DCLRE1C: variants seen among roughly 807,000 people sequenced by gnomAD.
DCLRE1C encodes protein artemis.
A neutral mutation model predicts 61.4 loss-of-function variants in DCLRE1C; 47 were observed. That is an observed-to-expected ratio of 0.77 (90% CI 0.61 to 0.98). DCLRE1C has a LOEUF of 0.98. Among genes scored for constraint, DCLRE1C ranks in the 50% least tolerant of loss-of-function variants. The pLI is 0.00. For synonymous variants in DCLRE1C, 337 were observed against 287.6 expected (o/e 1.17, Z -1.74); for missense variants, 858 against 816.0 (o/e 1.05, Z -0.63).
rs919860514 is a variant in DCLRE1C at position 14,898,202 on chromosome 10, C to CTTTTTT, written c.*956_*961dup. The CTTTTTT allele has an allele frequency of 4.3e-3, 240 of 56,136 alleles. 1 individual carries two copies. The highest frequency in any genetic ancestry group is 0.03 in the Middle Eastern group (2 of 66). The allele number at this position is 56,136 out of a possible 1,614,324, so 3.5% of individuals were successfully genotyped here. Reference sequence around the variant, plus strand: ...AAAACTCAGTGAGGTAGTACTGTTTCTTTTTTTTTTTTTTTTTTTTTTTTT... The same window carrying CTTTTTT: ...AAAACTCAGTGAGGTAGTACTGTTTCTTTTTTTTTTTTTTTTTTTTTTTTTTTTTTT... On this transcript the variant is annotated 3_prime_UTR_variant, in exon 14 of 14. Coordinates refer to the DCLRE1C transcript ENST00000378289.
Position 14,908,105 on chromosome 10 carries a change from C to T in DCLRE1C, c.*303G>A. 3.1e-6 allele frequency: 1 copy of T among 319,158 alleles called. No individual in the cohort carries two copies. The allele number at this position is 319,158 out of a possible 1,614,324, so 19.8% of individuals were successfully genotyped here. On this transcript the variant is annotated 3_prime_UTR_variant, in exon 14 of 14. Coordinates refer to ENST00000378278, the MANE Select transcript of DCLRE1C (RefSeq NM_001033855.3). The stretch of plus-strand genomic sequence containing the variant: ...GCACAGTCATGGCTCACTGCAGCCT[C>T]AATCTCCTGGGCTCAAGTGATCCTC...
At chr10:14,945,063 C>A in intron 3 of DCLRE1C, 42 bp downstream of exon 3, 1 of 1,474,798 alleles carries the variant, frequency 6.8e-7, no homozygotes, top group South Asian at 1.2e-5. Flanking sequence ...AAAAATACTT[C>A]CCACTTAAAA....
At chr10:14,940,776 G>C (rs1191515739) in intron 3 of DCLRE1C, among the ~76,000 whole-genome samples, 2 of 152,104 alleles carry the variant, frequency 1.3e-5, no homozygotes, top group Admixed American at 6.5e-5. Context: ...AAGTATTTTT[G>C]CATTTCTGGA....
chr10:14,925,225 TAAAAAAAAAAAAA>T (rs67477083), intron 11 of DCLRE1C, among the ~76,000 whole-genome samples: 7 of 109,326 alleles, frequency 6.4e-5, no homozygotes, highest in African/African-American at 2.5e-4. Flanking sequence ...ATAAAGGATT[TAAAAAAAAAAAAA>T]AAAAAAAAAA....
intron 11 of DCLRE1C, among the ~76,000 whole-genome samples, chr10:14,924,323 A>T (rs553286304): frequency 6.6e-6 from 1 of 152,334 alleles, no homozygotes; most frequent in South Asian, 2.1e-4. Context: ...AAACTTCATG[A>T]ATACCTTGAC....
Position 14,949,570 on chromosome 10 carries a change from TG to T in DCLRE1C, c.110-484del, listed in dbSNP as rs763623192. 9.2e-5 allele frequency among the ~76,000 whole-genome samples: 14 copies of T among 152,364 alleles called. No individual in the cohort carries two copies. The South Asian group carries it at 2.9e-3, about 32-fold the overall frequency. On this transcript the variant is annotated intron_variant, in intron 1 of 13. Coordinates refer to ENST00000378278, the MANE Select transcript of DCLRE1C (RefSeq NM_001033855.3). ...ATCTTCTCAGCCTACTGTGATGGAT[TG>T]AAAGGGGAATATTACTATCCACAAA...
At chr10:14,912,225 C>CT (rs1259390022) in intron 13 of DCLRE1C, among the ~76,000 whole-genome samples, 16 of 151,518 alleles carry the variant, frequency 1.1e-4, no homozygotes, top group South Asian at 4.2e-4. Context: ...CTAATTTTTA[C>CT]TTTTTTTTTA....
chr10:14,922,845 G>A (rs1588983453), intron 12 of DCLRE1C, 136 bp downstream of exon 12: 2 of 705,914 alleles, frequency 2.8e-6, no homozygotes, highest in East Asian at 5.5e-5. Context: ...AGGAAAAAAT[G>A]GAAATGAGTA....
chr10:14,925,990 G>A (rs899438906), intron 11 of DCLRE1C, among the ~76,000 whole-genome samples: 3 of 152,084 alleles, frequency 2.0e-5, no homozygotes, highest in Non-Finnish European at 2.9e-5. Flanking sequence ...TTTTATAAGG[G>A]GCTTTTCCCC....
downstream of DCLRE1C, among the ~76,000 whole-genome samples, chr10:14,902,145 T>A (rs936433760): frequency 1.3e-5 from 2 of 152,234 alleles, no homozygotes; most frequent in Non-Finnish European, 2.9e-5. Context: ...TATGGGCTAA[T>A]AACATAAAGT....
intron 11 of DCLRE1C, among the ~76,000 whole-genome samples, chr10:14,925,902 G>T (rs916630990): frequency 1.3e-5 from 2 of 152,298 alleles, no homozygotes; most frequent in East Asian, 3.9e-4. Context: ...GTGTCGGAGG[G>T]ACCAGTGGGA....
chr10:14,926,858 G>A lies in DCLRE1C; in HGVS notation c.957C>T (p.His319=). ...ESSYRACFSF[H]SSYSEIKDFL... The stretch of plus-strand genomic sequence containing the variant: ...ATCCTCTTACCTCACTGTAGGAGGA[G>A]TGAAAAGAAAAACAAGCTCTGTATG... Residue 319 remains histidine (H), a synonymous_variant, in exon 11 of 14, where the codon CAC becomes CAT. Transcript: ENST00000378278. The A allele has an allele frequency of 1.2e-6, 2 of 1,613,388 alleles. No individual in the cohort carries two copies. Among genetic ancestry groups the A allele is most frequent in the Non-Finnish European group, 1.7e-6 (2 of 1,179,392 alleles).
At chr10:14,920,404 C>T in intron 12 of DCLRE1C, 1 of 1,013,638 alleles carries the variant, frequency 9.9e-7, no homozygotes, top group Non-Finnish European at 1.2e-6. Context: ...TCACTGCCAA[C>T]TGCCTCCTCC....
intron 2 of DCLRE1C, 59 bp downstream of exon 2, chr10:14,948,977 C>A: frequency 8.5e-7 from 1 of 1,176,770 alleles, no homozygotes; most frequent in Non-Finnish European, 1.3e-6. Context: ...CTTTTCTGTA[C>A]AGTTGTTATC....
chr10:14,940,066 G>T (rs1185022467), intron 3 of DCLRE1C, among the ~76,000 whole-genome samples, 197 bp from the exon 4 acceptor site: 1 of 152,108 alleles, frequency 6.6e-6, no homozygotes, highest in Non-Finnish European at 1.5e-5. Context: ...GGCAGATTTG[G>T]TAATACGGAG....
At chr10:14,934,950 C>A (rs866367201) in intron 6 of DCLRE1C, among the ~76,000 whole-genome samples, 175 bp from the exon 7 acceptor site, 40 of 152,034 alleles carry the variant, frequency 2.6e-4, no homozygotes, top group South Asian at 1.5e-3. Flanking sequence ...AGCCTCCCAA[C>A]TATCTGGGAT....
At chr10:14,953,274 G>A (rs1254323551) in intron 1 of DCLRE1C, among the ~76,000 whole-genome samples, 1 of 152,186 alleles carries the variant, frequency 6.6e-6, no homozygotes, top group Non-Finnish European at 1.5e-5. Context: ...TCTGCTTGGA[G>A]CATCAGCGAC....
At chr10:14,921,585 G>C (rs1837128301) in intron 12 of DCLRE1C, among the ~76,000 whole-genome samples, 3 of 152,080 alleles carry the variant, frequency 2.0e-5, no homozygotes, top group Non-Finnish European at 4.4e-5. Context: ...CAAGTCTACT[G>C]AATTGCTCTC....
chr10:14,949,840 T>C (rs1842202724), intron 1 of DCLRE1C, among the ~76,000 whole-genome samples: 1 of 151,458 alleles, frequency 6.6e-6, no homozygotes, highest in Admixed American at 6.6e-5. Context: ...AGGTCAGAAG[T>C]TCAAGACCAA....
Sources: allele counts gnomAD v4.1 joint callset (sites outside exome capture counted in the v4.1 genomes callset), GRCh38; gene constraint gnomAD v4.1.1; transcripts MANE v1.5; gene names NCBI Gene and HGNC (gene_info 2026-07-23, HGNC 2026-07-21).